The following DPH6 variants were observed in gnomAD, a reference collection of about 807,000 sequenced individuals.
The protein encoded by DPH6 is diphthine--ammonia ligase.
In DPH6, 33 loss-of-function variants were observed where a neutral mutation model predicts 38.2. That is an observed-to-expected ratio of 0.86 (90% CI 0.65 to 1.15). The LOEUF is 1.15. Among genes scored for constraint, DPH6 ranks in the 50% most tolerant of loss-of-function variants. The pLI is 0.00. For synonymous variants in DPH6, 108 were observed against 103.0 expected, an observed-to-expected ratio of 1.05 and a Z score of -0.30; for missense variants, 325 against 320.0, an observed-to-expected ratio of 1.02 and a Z score of -0.12.
chr15:35,467,513 C>T (rs540115629), intron 3 of DPH6, among the ~76,000 whole-genome samples: 3 of 152,306 alleles, frequency 2.0e-5, no homozygotes, highest in African/African-American at 7.2e-5. Flanking sequence ...TTGCAGTGAG[C>T]TGAGATCGCA....
intron 3 of DPH6, among the ~76,000 whole-genome samples, chr15:35,348,897 T>G (rs148399435): frequency 1.8e-4 from 27 of 152,284 alleles, no homozygotes; most frequent in Middle Eastern, 3.4e-3. Context: ...TATGCTATTC[T>G]TTTTGATATC....
intron 3 of DPH6, among the ~76,000 whole-genome samples, chr15:35,283,407 C>T (rs931370759): frequency 6.6e-6 from 1 of 151,980 alleles, no homozygotes; most frequent in Non-Finnish European, 1.5e-5. Context: ...AGCAATTCTC[C>T]TGCCTCAGGT....
chr15:35,513,385 C>G (rs1254579110), intron 3 of DPH6, among the ~76,000 whole-genome samples: 1 of 151,920 alleles, frequency 6.6e-6, no homozygotes. Context: ...ATAAAGGAAG[C>G]ATGTGCACCT....
Position 35,296,804 on chromosome 15 carries a change from C to CTTTTTTTTTTTTTTTTT in DPH6, n.201-76223_201-76222insAAAAAAAAAAAAAAAAA, listed in dbSNP as rs772132282. Reference sequence around the variant, plus strand: ...ATTCTCTAACCTGATGGCCTGGCTTCTTTTTTTTTTTGAGACGGAGTCTCG... The same window carrying CTTTTTTTTTTTTTTTTT: ...ATTCTCTAACCTGATGGCCTGGCTTCTTTTTTTTTTTTTTTTTTTTTTTTTTTTGAGACGGAGTCTCG... On this transcript the variant is annotated intron_variant and non_coding_transcript_variant, in intron 3 of 3. Transcript: ENST00000560386. Among the ~76,000 whole-genome samples the CTTTTTTTTTTTTTTTTT allele has an allele frequency of 5.5e-3, 695 of 127,106 alleles. 22 individuals are homozygous for CTTTTTTTTTTTTTTTTT. Among genetic ancestry groups the CTTTTTTTTTTTTTTTTT allele is most frequent in the South Asian group, 7.5e-3 (30 of 4,022 alleles). 83.4% of individuals were successfully genotyped at this position (127,106 alleles called of 152,430 possible).
chr15:35,263,868 C>G (rs533405290), intron 3 of DPH6, among the ~76,000 whole-genome samples: 1 of 151,966 alleles, frequency 6.6e-6, no homozygotes, highest in Non-Finnish European at 1.5e-5. Flanking sequence ...CCCACCACCA[C>G]GCCTGGCTAA....
chr15:35,542,271 T>C lies in DPH6; in HGVS notation c.118+142A>G, dbSNP rs531043389. ...AGTGAAAACACTTAATGCTAAGTTC[T>C]AGGTGGAAACTAGCATCTAATGGGT... is the stretch of plus-strand genomic sequence containing the variant. On this transcript the variant is annotated intron_variant, in intron 2 of 8. Transcript: ENST00000256538. The C allele has an allele frequency of 7.2e-4, 432 of 596,188 alleles. 2 individuals are homozygous for C. The African/African-American group carries it at 7.4e-3, about 10-fold the overall frequency. 36.9% of individuals were successfully genotyped at this position (596,188 alleles called of 1,614,324 possible). A position where few individuals can be genotyped will look rare whatever the true frequency, so the allele number is the denominator to read the frequency against.
At chr15:35,357,019 G>A (rs1431808121) in intron 3 of DPH6, among the ~76,000 whole-genome samples, 1 of 152,190 alleles carries the variant, frequency 6.6e-6, no homozygotes, top group African/African-American at 2.4e-5. Flanking sequence ...CCGCCTTGCA[G>A]TTTGATCTCA....
intron 5 of DPH6, among the ~76,000 whole-genome samples, chr15:35,427,467 GAAAGAAAA>G (rs1167148223): frequency 1.4e-5 from 2 of 144,314 alleles, no homozygotes; most frequent in Non-Finnish European, 3.0e-5. Context: ...TTTTCTTTCA[GAAAGAAAA>G]ATAATCGAAT....
Position 35,372,078 on chromosome 15 carries a change from T to C in DPH6, c.*72A>G, listed in dbSNP as rs541431020. ...TGAGAAAAAAATAAACTAGTCATAG[T>C]AACTGAGAAAATACTATGCAATTTT... On this transcript the variant is annotated 3_prime_UTR_variant, in exon 9 of 9. Coordinates refer to ENST00000256538, the MANE Select transcript of DPH6 (RefSeq NM_080650.4). 1.4e-6 allele frequency: 2 copies of C among 1,473,644 alleles called. No homozygotes were observed. Among genetic ancestry groups the C allele is most frequent in the South Asian group, 2.9e-5 (2 of 69,546 alleles). The allele number at this position is 1,473,644 out of a possible 1,614,324, so 91.3% of individuals were successfully genotyped here. A position where few individuals can be genotyped will look rare whatever the true frequency, so the allele number is the denominator to read the frequency against.
chr15:35,386,534 A>C (rs2052961330), intron 6 of DPH6, among the ~76,000 whole-genome samples: 1 of 152,200 alleles, frequency 6.6e-6, no homozygotes, highest in Non-Finnish European at 1.5e-5. Flanking sequence ...AATGATCGCC[A>C]TTCTAACTGG....
intron 3 of DPH6, among the ~76,000 whole-genome samples, chr15:35,310,641 T>C (rs944264365): frequency 4.6e-5 from 7 of 152,184 alleles, no homozygotes; most frequent in African/African-American, 1.7e-4. Flanking sequence ...TAAATTTCTG[T>C]GTAATAGTAC....
chr15:35,179,882 G>A, the DPH6 span, among the ~76,000 whole-genome samples: 255 of 152,226 alleles, frequency 1.7e-3, no homozygotes, highest in African/African-American at 5.9e-3. Flanking sequence ...GATTTTCTAC[G>A]GTTTTGCTGT....
At chr15:35,299,544 C>T (rs1242642003) in intron 3 of DPH6, 2 of 542,754 alleles carry the variant, frequency 3.7e-6, no homozygotes, top group Admixed American at 3.3e-5. Context: ...GCACCACCCT[C>T]CGCTGAGTCC....
chr15:35,343,541 CATT>C, intron 3 of DPH6, among the ~76,000 whole-genome samples: 1 of 152,096 alleles, frequency 6.6e-6, no homozygotes, highest in South Asian at 2.1e-4. Flanking sequence ...CTAGGTACAT[CATT>C]GTCTTATTTC....
chr15:35,191,219 A>T, the DPH6 span, among the ~76,000 whole-genome samples: 1 of 152,208 alleles, frequency 6.6e-6, no homozygotes, highest in Non-Finnish European at 1.5e-5. Context: ...CATCAAACTG[A>T]CACATACTTC....
chr15:35,149,395 G>A, the DPH6 span, among the ~76,000 whole-genome samples: 1 of 152,020 alleles, frequency 6.6e-6, no homozygotes, highest in Non-Finnish European at 1.5e-5. Flanking sequence ...CCACTACTAC[G>A]CCCAGCTAAT....
chr15:35,475,846 A>C (rs1566924021), intron 3 of DPH6, among the ~76,000 whole-genome samples: 1 of 151,786 alleles, frequency 6.6e-6, no homozygotes, highest in Non-Finnish European at 1.5e-5. Flanking sequence ...AATTAAACTG[A>C]GAAGAATATT....
intron 3 of DPH6, among the ~76,000 whole-genome samples, chr15:35,460,701 A>G (rs1322404759): frequency 6.6e-6 from 1 of 152,216 alleles, no homozygotes; most frequent in Non-Finnish European, 1.5e-5. Flanking sequence ...AGATTCTTAC[A>G]AAGTTAACTA....
At chr15:35,496,567 A>AAAAAAAAAAAAAATATATATATATAT in intron 3 of DPH6, among the ~76,000 whole-genome samples, 1 of 31,014 alleles carries the variant, frequency 3.2e-5, no homozygotes. Flanking sequence ...AAAAAAAAAA[A>AAAAAAAAAAAAAATATATATATATAT]ATATATATAT....
Sources: allele counts gnomAD v4.1 joint callset (sites outside exome capture counted in the v4.1 genomes callset), GRCh38; gene constraint gnomAD v4.1.1; transcripts MANE v1.5; gene names NCBI Gene and HGNC (gene_info 2026-07-23, HGNC 2026-07-21).